The following RNF150 variants were observed in gnomAD, a reference collection of about 807,000 sequenced individuals.
RNF150 encodes the protein ring finger protein 150.
Under a neutral mutation model 39.3 loss-of-function variants are expected in RNF150, and 24 were observed. The ratio of observed to expected loss-of-function variants is 0.61; its 90% CI spans 0.44 to 0.86. The LOEUF is 0.86. Among genes scored for constraint, RNF150 ranks in the 40% least tolerant of loss-of-function variants. RNF150 has a pLI of 0.00. For synonymous variants in RNF150, 255 were observed against 227.3 expected (o/e 1.12, Z -1.10); for missense variants, 502 against 587.8 (o/e 0.85, Z 1.51).
At chr4:141,004,749 G>C (rs1184593789) in intron 1 of RNF150, among the ~76,000 whole-genome samples, 2 of 152,126 alleles carry the variant, frequency 1.3e-5, no homozygotes, top group Non-Finnish European at 2.9e-5. Context: ...GGACTTCAAG[G>C]TTAGTGCCAT....
chr4:141,041,659 C>T (rs754773872), intron 1 of RNF150, among the ~76,000 whole-genome samples: 1 of 151,942 alleles, frequency 6.6e-6, no homozygotes, highest in Non-Finnish European at 1.5e-5. Context: ...ATTACTTTTT[C>T]TTGCCACTAG....
intron 1 of RNF150, among the ~76,000 whole-genome samples, chr4:141,096,190 CTTTTTTTTT>C (rs780868429): frequency 1.6e-4 from 11 of 67,970 alleles, no homozygotes; most frequent in Admixed American, 1.0e-3. Context: ...TTTTAGCTTT[CTTTTTTTTT>C]TTTTTTTTTT....
chr4:141,033,797 T>C (rs1261621397), intron 1 of RNF150, among the ~76,000 whole-genome samples: 1 of 152,174 alleles, frequency 6.6e-6, no homozygotes, highest in African/African-American at 2.4e-5. Context: ...GAAAGAAGTC[T>C]TTTTTTCTGA....
intron 1 of RNF150, among the ~76,000 whole-genome samples, chr4:141,068,667 G>A (rs74529030): frequency 7.5e-4 from 113 of 150,546 alleles, no homozygotes; most frequent in African/African-American, 2.3e-3. Flanking sequence ...CCATTTTCAC[G>A]GTATTGATTC....
Position 141,204,628 on chromosome 4 carries a change from G to C in RNF150, c.-6+8166C>G, listed in dbSNP as rs186408624. Among the ~76,000 whole-genome samples the C allele has an allele frequency of 2.2e-4, 34 of 152,282 alleles. 1 individual carries two copies. The East Asian group carries it at 6.6e-3, about 29-fold the overall frequency. ...AGAAGACAAACTGAGGTTATTGTCAGGGGCAGAGCTGGAAGCAGCATTTGG... is the reference window on the plus strand; with the variant it reads ...AGAAGACAAACTGAGGTTATTGTCACGGGCAGAGCTGGAAGCAGCATTTGG... On this transcript the variant is annotated intron_variant, in intron 1 of 7. Coordinates refer to the RNF150 transcript ENST00000420921.
chr4:140,887,065 T>C (rs1429049379), intron 6 of RNF150, among the ~76,000 whole-genome samples: 1 of 152,216 alleles, frequency 6.6e-6, no homozygotes, highest in African/African-American at 2.4e-5. Flanking sequence ...CTAGAGTGAT[T>C]TCCATTTTCC....
chr4:141,188,430 C>G (rs1258258616), intron 1 of RNF150, among the ~76,000 whole-genome samples: 2 of 152,126 alleles, frequency 1.3e-5, no homozygotes, highest in African/African-American at 4.8e-5. Context: ...TGGATAATAT[C>G]CTGAAGTGTG....
intron 1 of RNF150, among the ~76,000 whole-genome samples, chr4:141,122,566 G>C (rs1050138933): frequency 6.6e-6 from 1 of 152,152 alleles, no homozygotes; most frequent in Non-Finnish European, 1.5e-5. Context: ...TCTGGAACTT[G>C]ACCTAAGGAA....
At chr4:141,063,999 A>AG (rs1340199341) in intron 1 of RNF150, among the ~76,000 whole-genome samples, 1 of 151,984 alleles carries the variant, frequency 6.6e-6, no homozygotes, top group Non-Finnish European at 1.5e-5. Flanking sequence ...TACAAAAAAA[A>AG]AAAAAAAAAG....
intron 6 of RNF150, among the ~76,000 whole-genome samples, chr4:140,894,849 A>G (rs888895115): frequency 3.9e-5 from 6 of 152,196 alleles, no homozygotes; most frequent in African/African-American, 1.4e-4. Context: ...ATGCCTTGTC[A>G]ATAATGTAAG....
At chr4:140,920,695 C>T (rs1272816628) in intron 5 of RNF150, among the ~76,000 whole-genome samples, 2 of 151,928 alleles carry the variant, frequency 1.3e-5, no homozygotes, top group African/African-American at 4.8e-5. Flanking sequence ...GGGTATATAC[C>T]CTAAGGATTA....
At chr4:140,939,711 G>C (rs574895144) in intron 4 of RNF150, among the ~76,000 whole-genome samples, 2 of 150,642 alleles carry the variant, frequency 1.3e-5, no homozygotes, top group Non-Finnish European at 3.0e-5. Flanking sequence ...TTTGTGTTAC[G>C]GCTTTTGAGT....
chr4:140,888,938 T>A (rs1416820586), intron 6 of RNF150, among the ~76,000 whole-genome samples: 1 of 152,188 alleles, frequency 6.6e-6, no homozygotes, highest in African/African-American at 2.4e-5. Context: ...ATTCACTTCA[T>A]ACGAAGGAGA....
At chr4:141,197,142 A>C (rs1051482855) in intron 1 of RNF150, among the ~76,000 whole-genome samples, 1 of 152,194 alleles carries the variant, frequency 6.6e-6, no homozygotes, top group Non-Finnish European at 1.5e-5. Flanking sequence ...TGCCAGGCTG[A>C]AATTTTTATT....
intron 1 of RNF150, among the ~76,000 whole-genome samples, chr4:141,150,665 C>T (rs1356667592): frequency 6.6e-6 from 1 of 152,156 alleles, no homozygotes; most frequent in East Asian, 1.9e-4. Flanking sequence ...ATATGCCTTA[C>T]TTCCTTTTCT....
intron 1 of RNF150, among the ~76,000 whole-genome samples, chr4:141,041,680 T>C (rs1036641742): frequency 1.3e-5 from 2 of 152,096 alleles, no homozygotes; most frequent in Admixed American, 6.6e-5. Flanking sequence ...AAATAATTAA[T>C]AGTATATTGC....
chr4:140,925,262 C>T (rs1170833071), intron 5 of RNF150, among the ~76,000 whole-genome samples: 1 of 152,168 alleles, frequency 6.6e-6, no homozygotes, highest in African/African-American at 2.4e-5. Context: ...GGTGTCTCAC[C>T]ACCCACCAGT....
At chr4:141,077,394 C>G (rs1351700438) in intron 1 of RNF150, among the ~76,000 whole-genome samples, 1 of 152,134 alleles carries the variant, frequency 6.6e-6, no homozygotes, top group East Asian at 1.9e-4. Flanking sequence ...CAAAAGGCTA[C>G]ATATGTGACT....
intron 1 of RNF150, among the ~76,000 whole-genome samples, chr4:141,195,460 C>T (rs973916261): frequency 2.0e-5 from 3 of 152,174 alleles, no homozygotes; most frequent in South Asian, 4.1e-4. Context: ...CCTTCCTCTC[C>T]CTCTTCCTCC....
Sources: gnomAD v4.1 joint callset for allele counts (sites outside exome capture counted in the v4.1 genomes callset) on GRCh38, gnomAD v4.1.1 for gene constraint, MANE v1.5 for transcripts, NCBI Gene and HGNC (gene_info 2026-07-23, HGNC 2026-07-21) for gene names.